The following SLC2A9 variants were observed in gnomAD, a reference collection of about 807,000 sequenced individuals.
The protein encoded by SLC2A9 is solute carrier family 2 member 9.
A neutral mutation model predicts 50.6 loss-of-function variants in SLC2A9; 39 were observed. The observed-to-expected ratio is 0.77, with a 90% CI of 0.60 to 1.01. The LOEUF (loss-of-function observed/expected upper bound fraction) is 1.01. Among genes scored for constraint, SLC2A9 ranks in the 50% least tolerant of loss-of-function variants. SLC2A9 has a pLI of 0.00. For missense variants in SLC2A9, 686 were observed against 677.6 expected (o/e 1.01, Z -0.14); for synonymous variants, 324 against 276.9 (o/e 1.17, Z -1.69).
intron 6 of SLC2A9, among the ~76,000 whole-genome samples, chr4:9,930,362 G>A (rs1745678915): frequency 6.6e-6 from 1 of 152,224 alleles, no homozygotes; most frequent in African/African-American, 2.4e-5. Context: ...GAAAAAGAGG[G>A]TAGGAGGGAG....
intron 11 of SLC2A9, among the ~76,000 whole-genome samples, chr4:9,833,926 G>T (rs375470599): frequency 9.2e-5 from 14 of 152,216 alleles, no homozygotes; most frequent in African/African-American, 2.9e-4. Context: ...AATGCTTCTG[G>T]GCCCCTTGCT....
At position 9,955,512 on chromosome 4, in the gene SLC2A9, A is replaced by C. The variant is rs1357708250; in HGVS notation, c.682-13467T>G. ...TCCGTCTCAAAAAAAAAAAAAAAAAAAAAAAAACTCCAAGTCAAAGTTCAA... is the reference window on the plus strand; with the variant it reads ...TCCGTCTCAAAAAAAAAAAAAAAAACAAAAAAACTCCAAGTCAAAGTTCAA... On this transcript the variant is annotated intron_variant, in intron 5 of 11. Coordinates refer to ENST00000264784, the MANE Select transcript of SLC2A9 (RefSeq NM_020041.3). Among the ~76,000 whole-genome samples the C allele has an allele frequency of 2.7e-5, 4 of 150,582 alleles. 1 individual carries two copies. Among genetic ancestry groups the C allele is most frequent in the Non-Finnish European group, 5.9e-5 (4 of 67,844 alleles).
chr4:10,008,900 G>GT (rs1553911923), intron 2 of SLC2A9, among the ~76,000 whole-genome samples: 25,316 of 134,228 alleles, frequency 0.19, 2,300 homozygotes, highest in Non-Finnish European at 0.24. Context: ...CTGTGCGGTG[G>GT]TTTTTTTTTT....
chr4:9,946,002 G>A (rs948565952), intron 5 of SLC2A9, among the ~76,000 whole-genome samples: 7 of 152,150 alleles, frequency 4.6e-5, no homozygotes, highest in Admixed American at 2.6e-4. Context: ...TTAAAAAACC[G>A]CATATTACTC....
intron 10 of SLC2A9, among the ~76,000 whole-genome samples, chr4:9,836,249 A>G (rs1031796397): frequency 2.0e-5 from 3 of 152,080 alleles, no homozygotes; most frequent in Non-Finnish European, 4.4e-5. Flanking sequence ...TCACCACCAA[A>G]AAACTTATTC....
downstream of SLC2A9, among the ~76,000 whole-genome samples, chr4:9,777,274 C>G (rs1400635378): frequency 6.7e-6 from 1 of 149,464 alleles, no homozygotes; most frequent in Non-Finnish European, 1.5e-5. Flanking sequence ...AAAAAAAGAG[C>G]TCCCTTGCCC....
rs1280504416 is a variant in SLC2A9 at position 9,807,689 on chromosome 4, T to C, written n.421-8448A>G. Among the ~76,000 whole-genome samples the C allele has an allele frequency of 2.0e-5, 3 of 152,232 alleles. No homozygotes were observed. In the East Asian group the frequency reaches 5.8e-4, roughly 29 times the overall value. ...CAGGAATCTGACTGATTTGTTGAGA[T>C]ACACGGGCCAGGTTACCCCATGTGG... On this transcript the variant is annotated intron_variant and non_coding_transcript_variant, in intron 3 of 3. Coordinates refer to the SLC2A9 transcript ENST00000503280.
At chr4:9,934,933 T>C (rs188236065) in intron 6 of SLC2A9, among the ~76,000 whole-genome samples, 1 of 152,332 alleles carries the variant, frequency 6.6e-6, no homozygotes, top group East Asian at 1.9e-4. Flanking sequence ...CTGTGTTAGT[T>C]TGCTGAGGAC....
At chr4:9,849,777 G>C (rs1553843106) in intron 10 of SLC2A9, among the ~76,000 whole-genome samples, 1 of 152,162 alleles carries the variant, frequency 6.6e-6, no homozygotes, top group Non-Finnish European at 1.5e-5. Context: ...TGTTCTGTTT[G>C]GTGGTGAGTT....
chr4:9,877,768 T>G lies in SLC2A9; in HGVS notation c.1291+9799A>C, dbSNP rs2109587497. 1.3e-5 allele frequency among the ~76,000 whole-genome samples: 2 copies of G among 152,274 alleles called. 1 individual carries two copies. The highest frequency in any genetic ancestry group is 2.9e-5 in the Non-Finnish European group (2 of 68,016). On this transcript the variant is annotated intron_variant, in intron 10 of 11. Transcript: ENST00000264784. ...GATAATGTCATACAAGTGGGTGGCT[T>G]TGACTCTTTATGTTATCTGATGCTC...
intron 3 of SLC2A9, among the ~76,000 whole-genome samples, chr4:9,819,810 T>G (rs1724155268): frequency 6.6e-6 from 1 of 152,236 alleles, no homozygotes. Flanking sequence ...GATGCGTGCC[T>G]GTAATCCTAG....
chr4:9,985,597 A>G, intron 4 of SLC2A9, 72 bp downstream of exon 4: 1 of 1,598,802 alleles, frequency 6.3e-7, no homozygotes, highest in East Asian at 2.2e-5. Flanking sequence ...GACAGCCCCA[A>G]ACACTTCTCA....
intron 6 of SLC2A9, among the ~76,000 whole-genome samples, chr4:9,931,214 T>C (rs1745840730): frequency 6.6e-6 from 1 of 152,206 alleles, no homozygotes; most frequent in African/African-American, 2.4e-5. Context: ...GTTCCCCACA[T>C]TCTCCCTTCA....
intron 5 of SLC2A9, among the ~76,000 whole-genome samples, chr4:9,942,861 T>C (rs1748429320): frequency 6.6e-6 from 1 of 152,186 alleles, no homozygotes; most frequent in African/African-American, 2.4e-5. Context: ...GTTCTGATCA[T>C]GAGAAGGAGG....
At position 10,020,384 on chromosome 4, in the gene SLC2A9, TAGC is replaced by T. The variant is rs531528109; in HGVS notation, c.150+893_150+895del. On this transcript the variant is annotated intron_variant, in intron 1 of 11. Coordinates refer to ENST00000264784, the MANE Select transcript of SLC2A9 (RefSeq NM_020041.3). ...GCCCACCTGTGAAATGGGATCTTAA[TAGC>T]AGCACTGGCCACATATGTTGTTGAG... 4.6e-5 allele frequency among the ~76,000 whole-genome samples: 7 copies of T among 152,238 alleles called. No homozygotes were observed. The South Asian group carries it at 1.2e-3, about 27-fold the overall frequency.
intron 5 of SLC2A9, among the ~76,000 whole-genome samples, chr4:9,954,308 G>A (rs1387481787): frequency 3.3e-5 from 5 of 152,246 alleles, no homozygotes; most frequent in African/African-American, 1.2e-4. Context: ...CAAAGGGCCT[G>A]GCCACAGACA....
chr4:9,815,018 A>T (rs183046178), intron 3 of SLC2A9, among the ~76,000 whole-genome samples: 115 of 152,290 alleles, frequency 7.6e-4, no homozygotes, highest in Middle Eastern at 6.8e-3. Context: ...AGTGATAGGA[A>T]CACTAAACTT....
At chr4:10,017,930 T>C (rs1406911479) in intron 2 of SLC2A9, among the ~76,000 whole-genome samples, 1 of 152,082 alleles carries the variant, frequency 6.6e-6, no homozygotes, top group Non-Finnish European at 1.5e-5. Context: ...CCCAGATGTG[T>C]CCTACATCCC....
intron 10 of SLC2A9, among the ~76,000 whole-genome samples, chr4:9,858,743 A>G (rs1286140571): frequency 2.0e-5 from 3 of 152,194 alleles, no homozygotes; most frequent in Non-Finnish European, 4.4e-5. Flanking sequence ...ATTGGATTGA[A>G]GGATGCAAAG....
Sources: gnomAD v4.1 joint callset for allele counts (sites outside exome capture counted in the v4.1 genomes callset) on GRCh38, gnomAD v4.1.1 for gene constraint, MANE v1.5 for transcripts, NCBI Gene and HGNC (gene_info 2026-07-23, HGNC 2026-07-21) for gene names.